NTM: variants seen among roughly 807,000 people sequenced by gnomAD.
The protein encoded by NTM is neurotrimin, also known as IgLON family member 2.
A neutral mutation model predicts 42.1 loss-of-function variants in NTM; 13 were observed. That is an observed-to-expected ratio of 0.31 (90% CI 0.20 to 0.49). The LOEUF (loss-of-function observed/expected upper bound fraction) is 0.49, where lower values mean the gene tolerates loss of function less well. Ranked by LOEUF, NTM falls within the 20% of genes least tolerant of loss-of-function variation. The pLI, the probability that NTM is intolerant of heterozygous loss-of-function variation, is 0.99. For synonymous variants in NTM, 187 were observed against 179.2 expected (o/e 1.04, Z -0.35); for missense variants, 373 against 452.8 (o/e 0.82, Z 1.60).
intron 1 of NTM, among the ~76,000 whole-genome samples, chr11:131,437,250 T>C (rs1591660743): frequency 6.6e-6 from 1 of 152,352 alleles, no homozygotes; most frequent in East Asian, 1.9e-4. Flanking sequence ...CTGAGAAGAA[T>C]GTATATTCTG....
intron 1 of NTM, among the ~76,000 whole-genome samples, chr11:131,852,925 C>CCCAT (rs1167615543): frequency 1.3e-5 from 2 of 148,224 alleles, no homozygotes; most frequent in East Asian, 2.0e-4. Flanking sequence ...CATCCACCCA[C>CCCAT]CCATCCATCC....
intron 2 of NTM, among the ~76,000 whole-genome samples, chr11:131,928,872 A>G (rs571728243): frequency 6.6e-6 from 1 of 151,860 alleles, no homozygotes; most frequent in East Asian, 1.9e-4. Context: ...TCAACCACCC[A>G]CCCCTCAGCA....
Position 132,214,059 on chromosome 11 carries a change from G to T in NTM, c.526+1912G>T, listed in dbSNP as rs543646092. The stretch of plus-strand genomic sequence containing the variant: ...GGCCACCATTCTTGACACTGTAACT[G>T]TGAACAAGGGGTCTTTGAAAGCTAT... On this transcript the variant is annotated intron_variant, in intron 4 of 8. Coordinates refer to ENST00000683400, the MANE Select transcript of NTM (RefSeq NM_001352005.2). Among the ~76,000 whole-genome samples, 3 of 152,322 alleles carry T rather than the reference G, an allele frequency of 2.0e-5. No homozygotes were observed. The East Asian group carries it at 5.8e-4, about 29-fold the overall frequency.
chr11:132,020,270 C>T (rs1350617398), intron 2 of NTM, among the ~76,000 whole-genome samples: 1 of 152,020 alleles, frequency 6.6e-6, no homozygotes, highest in African/African-American at 2.4e-5. Context: ...TGTGTCTTTA[C>T]CATTGTGAAT....
chr11:131,816,863 C>T (rs2092974237), intron 1 of NTM, among the ~76,000 whole-genome samples: 1 of 152,126 alleles, frequency 6.6e-6, no homozygotes, highest in African/African-American at 2.4e-5. Flanking sequence ...ACACTGGGCA[C>T]TCAACGCACG....
intron 7 of NTM, among the ~76,000 whole-genome samples, chr11:132,323,997 A>T (rs1414942036): frequency 6.9e-6 from 1 of 145,746 alleles, no homozygotes; most frequent in Non-Finnish European, 1.5e-5. Flanking sequence ...AAAAACTCTC[A>T]ATAAATTAGG....
rs185544522 is a variant in NTM at position 131,979,095 on chromosome 11, A to C, written c.167+67447A>C. Among the ~76,000 whole-genome samples the C allele has an allele frequency of 6.7e-4, 102 of 152,198 alleles. No individual in the cohort carries two copies. The East Asian group carries it at 8.7e-3, about 13-fold the overall frequency. On this transcript the variant is annotated intron_variant, in intron 2 of 8. Coordinates refer to ENST00000683400, the MANE Select transcript of NTM (RefSeq NM_001352005.2). The stretch of plus-strand genomic sequence containing the variant: ...CAGACATAGGATTCTTGAATCCATG[A>C]AGCTAAGGGGATTTTCAAACATATT...
At chr11:131,973,585 A>G (rs1336204146) in intron 2 of NTM, among the ~76,000 whole-genome samples, 1 of 152,200 alleles carries the variant, frequency 6.6e-6, no homozygotes, top group African/African-American at 2.4e-5. Context: ...CTTGGGCCAC[A>G]GTGGGCAGAT....
At chr11:131,633,817 T>C (rs116007882) in intron 1 of NTM, among the ~76,000 whole-genome samples, 2,204 of 139,590 alleles carry the variant, frequency 0.016, 59 homozygotes, top group African/African-American at 0.053. Context: ...GCCATACAAT[T>C]TAGAAGAGCA....
chr11:131,474,482 C>T (rs1042942713), intron 1 of NTM, among the ~76,000 whole-genome samples: 5 of 152,118 alleles, frequency 3.3e-5, no homozygotes, highest in Non-Finnish European at 5.9e-5. Context: ...ACATGCCCAC[C>T]TGTCTGCCAA....
At chr11:131,516,929 G>C (rs2048968764) in intron 1 of NTM, among the ~76,000 whole-genome samples, 1 of 152,186 alleles carries the variant, frequency 6.6e-6, no homozygotes, top group South Asian at 2.1e-4. Flanking sequence ...TTTCAAGATT[G>C]GTTGCTGGAG....
chr11:132,127,697 C>T (rs565022761), intron 2 of NTM, among the ~76,000 whole-genome samples: 2 of 152,186 alleles, frequency 1.3e-5, no homozygotes, highest in Non-Finnish European at 2.9e-5. Context: ...GGCATTCCGG[C>T]GGATTACAGT....
At position 132,146,522 on chromosome 11, in the gene NTM, G is replaced by A. The variant is rs1314459675; in HGVS notation, c.400+8G>A. On this transcript the variant is annotated splice_region_variant and intron_variant, in intron 3 of 8. Coordinates refer to ENST00000683400, the MANE Select transcript of NTM (RefSeq NM_001352005.2). This position sits in a 1 kb window ranked among gnomAD's most constrained non-coding sequence, Gnocchi z 4.5. ...TCCACCTCATTGTGCAAGGTAGGTGGGCGGGGCTTGGCGGGGAGATCTGGC... is the reference window on the plus strand; with the variant it reads ...TCCACCTCATTGTGCAAGGTAGGTGAGCGGGGCTTGGCGGGGAGATCTGGC... 6.2e-7 allele frequency: 1 copy of A among 1,610,786 alleles called. No homozygotes were observed. The highest frequency in any genetic ancestry group is 1.7e-5 in the Admixed American group (1 of 59,916).
intron 4 of NTM, among the ~76,000 whole-genome samples, chr11:132,242,395 G>GA (rs35366108): frequency 6.6e-6 from 1 of 152,116 alleles, no homozygotes; most frequent in East Asian, 1.9e-4. Flanking sequence ...ACATTTAGGG[G>GA]AAAAAAGGGG....
chr11:131,789,636 AAAGAAGAAGAAGAAGAAGAAG>A (rs374898394), intron 1 of NTM, among the ~76,000 whole-genome samples: 1 of 30,900 alleles, frequency 3.2e-5, no homozygotes, highest in Non-Finnish European at 7.3e-5. Context: ...AAGAAGAAGA[AAAGAAGAAGAAGAAGAAGAAG>A]AAGAAGAAGA....
chr11:132,046,235 A>G (rs1454571532), intron 2 of NTM, among the ~76,000 whole-genome samples: 1 of 152,226 alleles, frequency 6.6e-6, no homozygotes, highest in Admixed American at 6.5e-5. Flanking sequence ...GCTAATGCTG[A>G]CAGTTCATGC....
chr11:131,521,588 C>T (rs1311590069), intron 1 of NTM, among the ~76,000 whole-genome samples: 1 of 151,168 alleles, frequency 6.6e-6, no homozygotes, highest in African/African-American at 2.4e-5. Flanking sequence ...ATGACCAGCC[C>T]GTAGGGGGAC....
intron 1 of NTM, among the ~76,000 whole-genome samples, chr11:131,504,973 G>A (rs2047307593): frequency 1.3e-5 from 2 of 152,096 alleles, no homozygotes; most frequent in African/African-American, 4.8e-5. Context: ...TGACCTGGCT[G>A]GACAACAGGC....
Position 132,146,564 on chromosome 11 carries a change from C to G in NTM, c.400+50C>G, listed in dbSNP as rs758286682. 4.4e-6 allele frequency: 7 copies of G among 1,589,386 alleles called. No individual in the cohort carries two copies. Among genetic ancestry groups the G allele is most frequent in the African/African-American group, 1.3e-5 (1 of 74,348 alleles). On this transcript the variant is annotated intron_variant, in intron 3 of 8. Transcript: ENST00000683400. The surrounding 1 kb of genome is among the most constrained non-coding windows in gnomAD (Gnocchi z 4.5). ...AGATCTGGCTGGCCAGCCTGGAAAG[C>G]CTTCAGGTAAAGGTTTGTTCTCTGA... is the stretch of plus-strand genomic sequence containing the variant.
Sources: allele counts gnomAD v4.1 joint callset (sites outside exome capture counted in the v4.1 genomes callset), GRCh38; gene constraint gnomAD v4.1.1; non-coding constraint Gnocchi (gnomAD v3.1); transcripts MANE v1.5; gene names NCBI Gene and HGNC (gene_info 2026-07-23, HGNC 2026-07-21).